Variants in HYAL4 observed in about 807,000 individuals in gnomAD.
HYAL4 encodes hyaluronidase-4.
Under a neutral mutation model 35.2 loss-of-function variants are expected in HYAL4, and 37 were observed. The observed-to-expected ratio is 1.05, with a 90% CI of 0.81 to 1.38. The LOEUF (loss-of-function observed/expected upper bound fraction) is 1.38. Among genes scored for constraint, HYAL4 ranks in the 40% most tolerant of loss-of-function variants. The pLI is 0.00. For missense variants in HYAL4, 572 were observed against 572.4 expected (o/e 1.00, Z 0.01); for synonymous variants, 198 against 203.2 (o/e 0.97, Z 0.22).
chr7:123,802,966 AT>A, the HYAL4 span, among the ~76,000 whole-genome samples: 1 of 152,218 alleles, frequency 6.6e-6, no homozygotes, highest in Admixed American at 6.5e-5. Context: ...ACACCTGATT[AT>A]TTACTACAAC....
chr7:123,782,462 T>C, the HYAL4 span, among the ~76,000 whole-genome samples: 1 of 152,168 alleles, frequency 6.6e-6, no homozygotes, highest in Non-Finnish European at 1.5e-5. Context: ...AGACGGGTAT[T>C]GACATAAAAT....
At chr7:123,846,020 G>A (rs1806166474) in intron 1 of HYAL4, among the ~76,000 whole-genome samples, 3 of 152,196 alleles carry the variant, frequency 2.0e-5, no homozygotes, top group Admixed American at 6.5e-5. Context: ...AGGTCTCTCA[G>A]CCATGGATAC....
chr7:123,837,293 C>G (rs1471113364), intron 1 of HYAL4, among the ~76,000 whole-genome samples: 2 of 152,072 alleles, frequency 1.3e-5, no homozygotes, highest in Non-Finnish European at 2.9e-5. Context: ...TGTAGGTTTT[C>G]CTTTACAGGT....
chr7:123,777,146 G>A, the HYAL4 span, among the ~76,000 whole-genome samples: 1 of 152,064 alleles, frequency 6.6e-6, no homozygotes, highest in South Asian at 2.1e-4. Flanking sequence ...TAATTTTTAT[G>A]AAAGAAATTC....
chr7:123,812,038 CA>C, the HYAL4 span, among the ~76,000 whole-genome samples: 1 of 152,070 alleles, frequency 6.6e-6, no homozygotes, highest in Non-Finnish European at 1.5e-5. Context: ...GATGGGGTTT[CA>C]CCATGTTGGC....
At chr7:123,785,234 C>T in the HYAL4 span, among the ~76,000 whole-genome samples, 18 of 152,136 alleles carry the variant, frequency 1.2e-4, no homozygotes, top group South Asian at 2.1e-4. The surrounding 1 kb of genome is among the most constrained non-coding windows in gnomAD (Gnocchi z 4.5). Flanking sequence ...TACAGGTGCA[C>T]GCCACCACGC....
chr7:123,868,137 T>G, intron 2 of HYAL4, 86 bp from the exon 3 acceptor site: 2 of 440,526 alleles, frequency 4.5e-6, no homozygotes, highest in Non-Finnish European at 3.9e-6. Flanking sequence ...ACTTTACAAA[T>G]AGTCATATAT....
At chr7:123,806,602 C>T in the HYAL4 span, among the ~76,000 whole-genome samples, 1 of 151,926 alleles carries the variant, frequency 6.6e-6, no homozygotes, top group South Asian at 2.1e-4. Flanking sequence ...CGCCACCACG[C>T]CCAAGTAATT....
chr7:123,873,132 C>T (rs980982226), intron 3 of HYAL4, among the ~76,000 whole-genome samples: 2 of 152,036 alleles, frequency 1.3e-5, no homozygotes, highest in African/African-American at 2.4e-5. Flanking sequence ...AGGGAGTGGA[C>T]GCAGACTCAG....
intron 2 of HYAL4, among the ~76,000 whole-genome samples, chr7:123,855,321 G>A (rs1265446067): frequency 1.3e-5 from 2 of 152,160 alleles, no homozygotes; most frequent in African/African-American, 2.4e-5. Context: ...ATTTTGGTAT[G>A]TTTTTGCAGT....
At chr7:123,826,274 T>C (rs2116901347), upstream of HYAL4, among the ~76,000 whole-genome samples, 2 of 151,846 alleles carry the variant, frequency 1.3e-5, no homozygotes, top group South Asian at 4.2e-4. Context: ...GCAACTAAGG[T>C]GGAGCTTCTA....
chr7:123,872,132 T>A (rs1806899337), intron 3 of HYAL4, among the ~76,000 whole-genome samples: 1 of 152,098 alleles, frequency 6.6e-6, no homozygotes, highest in South Asian at 2.1e-4. Flanking sequence ...ACCCAACAGG[T>A]CATTTCTTAT....
At chr7:123,777,300 A>G in the HYAL4 span, among the ~76,000 whole-genome samples, 1 of 152,102 alleles carries the variant, frequency 6.6e-6, no homozygotes, top group African/African-American at 2.4e-5. Context: ...AGTATAAAAA[A>G]GAATGTAAAA....
At chr7:123,839,662 T>G (rs1017605391) in intron 1 of HYAL4, among the ~76,000 whole-genome samples, 2 of 152,344 alleles carry the variant, frequency 1.3e-5, no homozygotes, top group African/African-American at 4.8e-5. Context: ...TCCTGACTTT[T>G]TAATGATTGC....
At chr7:123,768,543 A>T in the HYAL4 span, among the ~76,000 whole-genome samples, 7 of 152,206 alleles carry the variant, frequency 4.6e-5, no homozygotes, top group Non-Finnish European at 1.0e-4. Flanking sequence ...GCTTATGATC[A>T]TCTGATAGAC....
chr7:123,864,942 C>T (rs914519829), intron 2 of HYAL4, among the ~76,000 whole-genome samples: 2 of 151,886 alleles, frequency 1.3e-5, no homozygotes, highest in Admixed American at 1.3e-4. Flanking sequence ...TTTGGTCGTG[C>T]ACCCACACAT....
the HYAL4 span, among the ~76,000 whole-genome samples, chr7:123,811,717 G>A: frequency 6.6e-6 from 1 of 151,920 alleles, no homozygotes; most frequent in African/African-American, 2.4e-5. Flanking sequence ...CATGGATTGT[G>A]CCTTTAGTAT....
intron 3 of HYAL4, 111 bp from the exon 4 acceptor site, chr7:123,874,650 C>G (rs1806964251): frequency 1.6e-6 from 1 of 628,172 alleles, no homozygotes; most frequent in Non-Finnish European, 2.9e-6. Flanking sequence ...CGTGATCTGC[C>G]CGCCTGGGCC....
intron 1 of HYAL4, among the ~76,000 whole-genome samples, chr7:123,834,942 G>A (rs1450060104): frequency 6.6e-6 from 1 of 152,094 alleles, no homozygotes; most frequent in South Asian, 2.1e-4. Context: ...ACTTGATCAT[G>A]GTGGATTGTC....
Sources: gnomAD v4.1 joint callset for allele counts (sites outside exome capture counted in the v4.1 genomes callset) on GRCh38, gnomAD v4.1.1 for gene constraint, Gnocchi (gnomAD v3.1) non-coding constraint, MANE v1.5 for transcripts, NCBI Gene and HGNC (gene_info 2026-07-23, HGNC 2026-07-21) for gene names.